HENMT1: variants seen among roughly 807,000 people sequenced by gnomAD.
The protein encoded by HENMT1 is HEN methyltransferase 1.
HENMT1 carries 27 observed loss-of-function variants against 31.1 expected under a neutral mutation model. The observed-to-expected ratio is 0.87, with a 90% CI of 0.64 to 1.20. HENMT1 has a LOEUF of 1.20. Among genes scored for constraint, HENMT1 ranks in the 50% most tolerant of loss-of-function variants. The pLI is 0.00. For missense variants in HENMT1, 438 were observed against 469.6 expected (o/e 0.93, Z 0.62); for synonymous variants, 167 against 172.2 (o/e 0.97, Z 0.24).
intron 5 of HENMT1, chr1:108,651,415 T>C: frequency 1.9e-6 from 1 of 516,538 alleles, no homozygotes; most frequent in Non-Finnish European, 3.4e-6. Flanking sequence ...GAGGCCAAGG[T>C]GGATGGATCA....
At chr1:108,651,734 G>C (rs1445115983) in intron 5 of HENMT1, among the ~76,000 whole-genome samples, 1 of 142,800 alleles carries the variant, frequency 7.0e-6, no homozygotes, top group Non-Finnish European at 1.5e-5. Context: ...GAAAGAGAGA[G>C]AAGAGAAGAG....
chr1:108,661,032 C>A lies in HENMT1; in HGVS notation c.-148G>T, dbSNP rs1399681989. The A allele has an allele frequency of 1.0e-6, 1 of 984,666 alleles. No homozygotes were observed. Among genetic ancestry groups the A allele is most frequent in the Non-Finnish European group, 1.2e-6 (1 of 829,258 alleles). 61.0% of individuals were successfully genotyped at this position (984,666 alleles called of 1,614,324 possible). A position where few individuals can be genotyped will look rare whatever the true frequency, so the allele number is the denominator to read the frequency against. On this transcript the variant is annotated 5_prime_UTR_variant, in exon 1 of 8. Transcript: ENST00000651461. ...TCCTGCGGTAAGCAGCATGCCCAAC[C>A]GAAAAAACAAAGCTCGTCGCGGAGC...
At chr1:108,649,710 T>C (rs1657992011) in intron 7 of HENMT1, among the ~76,000 whole-genome samples, 1 of 152,104 alleles carries the variant, frequency 6.6e-6, no homozygotes, top group African/African-American at 2.4e-5. Context: ...GCTCAAAGAG[T>C]AATGTCCTAA....
intron 5 of HENMT1, 31 bp from the exon 6 acceptor site, chr1:108,651,240 A>T: frequency 6.4e-7 from 1 of 1,564,220 alleles, no homozygotes; most frequent in Non-Finnish European, 8.7e-7. Context: ...GACATAATAA[A>T]ATCTAGCTTC....
At chr1:108,655,281 GC>G (rs1658182614) in intron 4 of HENMT1, among the ~76,000 whole-genome samples, 1 of 152,110 alleles carries the variant, frequency 6.6e-6, no homozygotes, top group Non-Finnish European at 1.5e-5. Context: ...GTGTTCTGGG[GC>G]ATTTTAAATC....
At position 108,648,842 on chromosome 1, in the gene HENMT1, T is replaced by C; in HGVS notation, c.906A>G (p.Lys302=). 6.2e-7 allele frequency: 1 copy of C among 1,614,240 alleles called. No individual in the cohort carries two copies. Residue 302 remains lysine (K), a synonymous_variant, in exon 8 of 8, where the codon AAA becomes AAG. Transcript: ENST00000651461. ...EQAGERGDKP[K]DIGGSKAPVP... ...CAGGGGCCTTTGAGCCACCAATGTC[T>C]TTGGGCTTATCACCCCGTTCCCCAG...
rs775925300 is a variant in HENMT1, at chr1:108,659,893, G to A, written c.-9C>T. The A allele has an allele frequency of 4.4e-6, 7 of 1,598,796 alleles. No individual in the cohort carries two copies. The highest frequency in any genetic ancestry group is 1.1e-5 in the South Asian group (1 of 89,190). On this transcript the variant is annotated 5_prime_UTR_variant, in exon 2 of 8. Coordinates refer to ENST00000651461, the MANE Select transcript of HENMT1 (RefSeq NM_001102592.2). ...AGATTATTTTCTTCCATTTTGTTTC[G>A]AAGTTTTGTTGAAACAAAAATGAAG...
At position 108,648,717 on chromosome 1, in the gene HENMT1, T is replaced by C. The variant is rs1429678944; in HGVS notation, c.1031A>G (p.Gln344Arg). The stretch of plus-strand genomic sequence containing the variant: ...CAACTTGGGATACGCAAGGAGTCTC[T>C]GCAGAGGTACGAAAAATTTATCTCC... ...CVGDKFFVPL[Q>R]RLLAYPKLNR... Residue 344 changes from glutamine (Q) to arginine (R), a missense_variant, in exon 8 of 8, where the codon CAG becomes CGG. Physicochemically the swap from Gln to Arg is conservative, Grantham distance 43. Coordinates refer to ENST00000651461, the MANE Select transcript of HENMT1 (RefSeq NM_001102592.2). 3.1e-6 allele frequency: 5 copies of C among 1,614,114 alleles called. No homozygotes were observed. The highest frequency in any genetic ancestry group is 4.2e-6 in the Non-Finnish European group (5 of 1,180,054).
At chr1:108,657,191 T>G (rs1658270997) in intron 3 of HENMT1, among the ~76,000 whole-genome samples, 1 of 152,120 alleles carries the variant, frequency 6.6e-6, no homozygotes, top group African/African-American at 2.4e-5. Flanking sequence ...GCCCCCTCCT[T>G]AAGGCTCCCC....
At chr1:108,654,981 T>C (rs1474544030) in intron 4 of HENMT1, 131 bp from the exon 5 acceptor site, 7 of 921,448 alleles carry the variant, frequency 7.6e-6, no homozygotes, top group Non-Finnish European at 1.2e-5. Context: ...CCTGTTTTCC[T>C]TGTCTTGACA....
At position 108,649,723 on chromosome 1, in the gene HENMT1, C is replaced by A. The variant is rs529755093; in HGVS notation, c.756+488G>T. On this transcript the variant is annotated intron_variant, in intron 7 of 7. Transcript: ENST00000651461. Reference sequence around the variant, plus strand: ...AGGCTCAAAGAGTAATGTCCTAAGCCAAGCTGGGGAGAAACTGCTGCTGGC... The same window carrying A: ...AGGCTCAAAGAGTAATGTCCTAAGCAAAGCTGGGGAGAAACTGCTGCTGGC... 2.0e-4 allele frequency among the ~76,000 whole-genome samples: 30 copies of A among 152,290 alleles called. No individual in the cohort carries two copies. In the South Asian group the frequency reaches 6.2e-3, roughly 32 times the overall value.
rs1206230539 is a variant in HENMT1, at chr1:108,658,006, CACAT to C, written c.22-431_22-428del. 1.5e-3 allele frequency among the ~76,000 whole-genome samples: 224 copies of C among 151,004 alleles called. 1 individual carries two copies. The highest frequency in any genetic ancestry group is 1.7e-3 in the African/African-American group (68 of 40,988). On this transcript the variant is annotated intron_variant, in intron 2 of 7. Coordinates refer to ENST00000651461, the MANE Select transcript of HENMT1 (RefSeq NM_001102592.2). Reference sequence around the variant, plus strand: ...ACACATATATATACACACACACACACACATATATGTACACACACTTACACACACA... The same window carrying C: ...ACACATATATATACACACACACACACATATGTACACACACTTACACACACA...
At chr1:108,650,186 T>A (rs376841060) in intron 7 of HENMT1, 25 bp downstream of exon 7, 1 of 1,607,268 alleles carries the variant, frequency 6.2e-7, no homozygotes, top group Admixed American at 1.7e-5. Context: ...CTAGCCCTGA[T>A]AGCTATCTCA....
chr1:108,654,631 T>C, intron 5 of HENMT1, 85 bp downstream of exon 5: 1 of 1,314,642 alleles, frequency 7.6e-7, no homozygotes, highest in South Asian at 1.4e-5. Context: ...AATCAAGACC[T>C]ATTATATTTA....
At chr1:108,660,886 T>G (rs1658442030) in intron 1 of HENMT1, 77 bp downstream of exon 1, 1 of 661,332 alleles carries the variant, frequency 1.5e-6, no homozygotes, top group African/African-American at 2.0e-5. Flanking sequence ...ATCCCGCCAC[T>G]GCACTCCAGC....
At chr1:108,657,205 C>A (rs894456486) in intron 3 of HENMT1, among the ~76,000 whole-genome samples, 1 of 152,136 alleles carries the variant, frequency 6.6e-6, no homozygotes, top group East Asian at 1.9e-4. Context: ...GCTCCCCATT[C>A]CACTGTCCTT....
intron 3 of HENMT1, among the ~76,000 whole-genome samples, chr1:108,656,358 C>G (rs898051025): frequency 5.3e-5 from 8 of 152,196 alleles, no homozygotes; most frequent in Non-Finnish European, 1.2e-4. Flanking sequence ...AAGCTTTCAT[C>G]TAGAAATTCA....
At chr1:108,650,411 A>T in intron 6 of HENMT1, 23 bp from the exon 7 acceptor site, 1 of 1,596,052 alleles carries the variant, frequency 6.3e-7, no homozygotes. Context: ...CGAGGACAGC[A>T]ATCATTTTTC....
At chr1:108,657,952 A>C (rs141472814) in intron 2 of HENMT1, among the ~76,000 whole-genome samples, 1 of 150,752 alleles carries the variant, frequency 6.6e-6, no homozygotes, top group East Asian at 1.9e-4. Context: ...GAAAATATTT[A>C]TAATGACTGA....
Sources: gnomAD v4.1 joint callset for allele counts (sites outside exome capture counted in the v4.1 genomes callset) on GRCh38, gnomAD v4.1.1 for gene constraint, MANE v1.5 for transcripts, NCBI Gene and HGNC (gene_info 2026-07-23, HGNC 2026-07-21) for gene names.